The following NUP153 variants were observed in gnomAD, a reference collection of about 807,000 sequenced individuals.
NUP153 encodes nucleoporin 153.
Under a neutral mutation model 134.6 loss-of-function variants are expected in NUP153, and 27 were observed. The ratio of observed to expected loss-of-function variants is 0.20; its 90% CI spans 0.15 to 0.28. The LOEUF is 0.28. Ranked by LOEUF, NUP153 falls within the 10% of genes least tolerant of loss-of-function variation. The pLI, the probability that NUP153 is intolerant of heterozygous loss-of-function variation, is 1.00. For synonymous variants in NUP153, 640 were observed against 623.5 expected (o/e 1.03, Z -0.40); for missense variants, 1,821 against 1,731.3 (o/e 1.05, Z -0.92).
chr6:17,659,486 G>C (rs890458700), intron 11 of NUP153, among the ~76,000 whole-genome samples: 4 of 151,896 alleles, frequency 2.6e-5, no homozygotes, highest in African/African-American at 9.7e-5. Context: ...GTTTTGTTTT[G>C]TTTTTGAGAC....
In NUP153 at chr6:17,706,616, G is replaced by T; in HGVS notation, c.-229C>A. 1 of 568,760 alleles carries T rather than the reference G, an allele frequency of 1.8e-6. No homozygotes were observed. The highest frequency in any genetic ancestry group is 3.1e-6 in the Non-Finnish European group (1 of 322,712). 35.2% of individuals were successfully genotyped at this position (568,760 alleles called of 1,614,324 possible). A position where few individuals can be genotyped will look rare whatever the true frequency, so the allele number is the denominator to read the frequency against. On this transcript the variant is annotated 5_prime_UTR_variant, in exon 1 of 22. Coordinates refer to ENST00000262077, the MANE Select transcript of NUP153 (RefSeq NM_005124.4). The surrounding 1 kb of genome is among the most constrained non-coding windows in gnomAD (Gnocchi z 5.9). ...GGTGGCGGCCGCAGAGGCCGAGGAG[G>T]CTCCGGTCCGGCCGCCTCTGCGGAC...
chr6:17,647,262 C>T (rs1766246406), intron 13 of NUP153, among the ~76,000 whole-genome samples: 1 of 152,134 alleles, frequency 6.6e-6, no homozygotes, highest in East Asian at 1.9e-4. Context: ...GTTATTCTTA[C>T]CCCAAACATT....
intron 12 of NUP153, among the ~76,000 whole-genome samples, chr6:17,648,946 T>C (rs12203616): frequency 6.6e-6 from 1 of 152,230 alleles, no homozygotes; most frequent in Non-Finnish European, 1.5e-5. Context: ...TATCCTTCTC[T>C]ATGGTATTGC....
intron 1 of NUP153, among the ~76,000 whole-genome samples, chr6:17,703,100 A>C (rs1350277625): frequency 6.7e-6 from 1 of 149,984 alleles, no homozygotes; most frequent in Non-Finnish European, 1.5e-5. Flanking sequence ...TGGGAGGCTG[A>C]GGCAAGAGAA....
rs767233727 is a variant in NUP153, at chr6:17,629,446, A to G, written c.2753T>C (p.Leu918Ser). The G allele has an allele frequency of 1.9e-6, 3 of 1,614,056 alleles. No homozygotes were observed. Among genetic ancestry groups the G allele is most frequent in the Non-Finnish European group, 2.5e-6 (3 of 1,179,984 alleles). Reference protein sequence around the residue: ...SSSSSGPSQTLTSTGNFKFGD... With the variant: ...SSSSSGPSQTSTSTGNFKFGD... The stretch of plus-strand genomic sequence containing the variant: ...AAATTTAAAATTTCCAGTGCTTGTT[A>G]AAGTCTGAGAAGGCCCAGAAGAGGA... Residue 918 changes from leucine to serine, a missense_variant, in exon 18 of 22, where the codon TTA (leucine) becomes TCA (serine). Coordinates refer to ENST00000262077, the MANE Select transcript of NUP153 (RefSeq NM_005124.4).
At chr6:17,688,371 G>T in intron 2 of NUP153, 25 bp downstream of exon 2, 1 of 1,575,124 alleles carries the variant, frequency 6.3e-7, no homozygotes, top group Non-Finnish European at 8.7e-7. Context: ...TATCATTCAT[G>T]ACAAAATATT....
chr6:17,619,515 G>C (rs1018452524), intron 20 of NUP153: 7 of 152,324 alleles, frequency 4.6e-5, no homozygotes, highest in African/African-American at 1.4e-4. Context: ...AAAAGACCCT[G>C]TGAGAAAAGT....
chr6:17,624,847 G>GA lies in NUP153; in HGVS notation c.3902-15dup. On this transcript the variant is annotated splice_polypyrimidine_tract_variant and intron_variant, in intron 19 of 21. Coordinates refer to ENST00000262077, the MANE Select transcript of NUP153 (RefSeq NM_005124.4). ...CAAAGGAGGATCCTGGAGGCCCAAA[G>GA]AAACACTTAAGTCACCATGGTGGCT... The GA allele has an allele frequency of 6.4e-7, 1 of 1,570,690 alleles. No individual in the cohort carries two copies. The highest frequency in any genetic ancestry group is 8.6e-7 in the Non-Finnish European group (1 of 1,156,508).
intron 1 of NUP153, among the ~76,000 whole-genome samples, chr6:17,704,151 G>C (rs1490720335): frequency 1.3e-5 from 2 of 152,126 alleles, no homozygotes; most frequent in Admixed American, 6.6e-5. Flanking sequence ...AATTAGCTGG[G>C]CGTGGTGGCG....
intron 9 of NUP153, among the ~76,000 whole-genome samples, chr6:17,663,365 G>A (rs547217879): frequency 5.3e-4 from 81 of 151,960 alleles, no homozygotes; most frequent in Middle Eastern, 3.4e-3. Flanking sequence ...GGGCTCTCAC[G>A]TGATCCTCCT....
At chr6:17,626,485 G>A (rs1211399945) in intron 18 of NUP153, among the ~76,000 whole-genome samples, 1 of 152,198 alleles carries the variant, frequency 6.6e-6, no homozygotes, top group Non-Finnish European at 1.5e-5. Context: ...GTGGAAGACA[G>A]CTGTACTTTT....
chr6:17,655,278 G>C (rs9367956), intron 11 of NUP153, among the ~76,000 whole-genome samples: 1 of 151,930 alleles, frequency 6.6e-6, no homozygotes, highest in South Asian at 2.1e-4. Context: ...TACATATAGA[G>C]TTCTATTAAC....
At chr6:17,657,146 T>C (rs1325570990) in intron 11 of NUP153, among the ~76,000 whole-genome samples, 1 of 152,152 alleles carries the variant, frequency 6.6e-6, no homozygotes, top group Non-Finnish European at 1.5e-5. Flanking sequence ...ATTTATAGCT[T>C]AGTTTTGGCT....
chr6:17,693,915 T>C (rs1769452499), intron 1 of NUP153, among the ~76,000 whole-genome samples: 2 of 152,212 alleles, frequency 1.3e-5, no homozygotes, highest in South Asian at 4.1e-4. Context: ...AATACTTCTC[T>C]AGTAGAAATT....
At chr6:17,617,304 C>T (rs988729849) in intron 20 of NUP153, among the ~76,000 whole-genome samples, 1 of 151,866 alleles carries the variant, frequency 6.6e-6, no homozygotes, top group African/African-American at 2.4e-5. Flanking sequence ...ATTAAAACAA[C>T]AAGGGATTTT....
chr6:17,694,256 G>C lies in NUP153; in HGVS notation c.112-5638C>G, dbSNP rs372167764. ...GATTGAATGAAGAATAGTAATGTTT[G>C]CCTTTACCTCCATGAGTTAGTATAG... is the stretch of plus-strand genomic sequence containing the variant. On this transcript the variant is annotated intron_variant, in intron 1 of 21. Transcript: ENST00000262077. Among the ~76,000 whole-genome samples, 301 of 152,280 alleles carry C rather than the reference G, an allele frequency of 2.0e-3. 2 individuals are homozygous for C. The highest frequency in any genetic ancestry group is 6.6e-3 in the African/African-American group (273 of 41,558).
At position 17,632,264 on chromosome 6, in the gene NUP153, G is replaced by A. The variant is rs1454785840; in HGVS notation, c.2659+386C>T. Among the ~76,000 whole-genome samples, 8 of 151,996 alleles carry A rather than the reference G, an allele frequency of 5.3e-5. No individual in the cohort carries two copies. In the South Asian group the frequency reaches 6.2e-4, roughly 12 times the overall value. On this transcript the variant is annotated intron_variant, in intron 17 of 21. Coordinates refer to ENST00000262077, the MANE Select transcript of NUP153 (RefSeq NM_005124.4). ...TGCAGTGAGCAGAGATCGCGCCCCC[G>A]TACTCCAGCCTGGGCAAAAGAACAA...
Position 17,665,413 on chromosome 6 carries a change from T to C in NUP153, c.1069-28A>G, listed in dbSNP as rs776785587. 2.2e-5 allele frequency: 34 copies of C among 1,565,610 alleles called. No individual in the cohort carries two copies. The South Asian group carries it at 3.9e-4, about 18-fold the overall frequency. On this transcript the variant is annotated intron_variant, in intron 8 of 21. Transcript: ENST00000262077. Reference sequence around the variant, plus strand: ...TACAGGTAAAGAGAAATCAAAAACATTTATTTTCATATAAATCAATGATTC... The same window carrying C: ...TACAGGTAAAGAGAAATCAAAAACACTTATTTTCATATAAATCAATGATTC...
chr6:17,656,159 T>A (rs958160334), intron 11 of NUP153, among the ~76,000 whole-genome samples: 5 of 152,106 alleles, frequency 3.3e-5, no homozygotes, highest in African/African-American at 1.2e-4. Flanking sequence ...GAGCCAAGAT[T>A]GCGCCACTGC....
Sources: allele counts gnomAD v4.1 joint callset (sites outside exome capture counted in the v4.1 genomes callset), GRCh38; gene constraint gnomAD v4.1.1; non-coding constraint Gnocchi (gnomAD v3.1); transcripts MANE v1.5; gene names NCBI Gene and HGNC (gene_info 2026-07-23, HGNC 2026-07-21).